KLHDC4: variants seen among roughly 807,000 people sequenced by gnomAD.
KLHDC4 encodes the protein kelch domain-containing protein 4.
KLHDC4 carries 90 observed loss-of-function variants against 62.4 expected under a neutral mutation model. The observed-to-expected ratio is 1.44, with a 90% CI of 1.22 to 1.72. The LOEUF (loss-of-function observed/expected upper bound fraction) is 1.72, where lower values mean the gene tolerates loss of function less well. KLHDC4 is among the 40% of genes most tolerant of loss of function. The pLI, the probability that KLHDC4 is intolerant of heterozygous loss-of-function variation, is 0.00. For synonymous variants in KLHDC4, 386 were observed against 284.4 expected (o/e 1.36, Z -3.59); for missense variants, 1,025 against 699.7 (o/e 1.47, Z -5.25).
At chr16:87,725,969 C>A in intron 7 of KLHDC4, among the ~76,000 whole-genome samples, 1 of 152,112 alleles carries the variant, frequency 6.6e-6, no homozygotes, top group East Asian at 1.9e-4. Context: ...AACACAGAAT[C>A]GCTCACACTG....
intron 9 of KLHDC4, chr16:87,710,967 C>T (rs866296511): frequency 2.2e-5 from 10 of 461,676 alleles, no homozygotes; most frequent in African/African-American, 5.9e-5. Context: ...CACAGAGGGC[C>T]GGGGAGGTCC....
chr16:87,706,181 C>T (rs1376532600), downstream of KLHDC4, among the ~76,000 whole-genome samples: 15 of 66,914 alleles, frequency 2.2e-4, 1 homozygote, highest in South Asian at 1.3e-3. Context: ...CTGCAGCCCT[C>T]GGGGGGGGGT....
intron 1 of KLHDC4, among the ~76,000 whole-genome samples, chr16:87,762,489 G>A (rs1255910630): frequency 6.6e-6 from 1 of 152,232 alleles, no homozygotes; most frequent in East Asian, 1.9e-4. Context: ...GCCCAGGCCT[G>A]GGCCGTCACG....
intron 6 of KLHDC4, among the ~76,000 whole-genome samples, chr16:87,730,184 G>A (rs1489832047): frequency 6.6e-6 from 1 of 152,174 alleles, no homozygotes; most frequent in Non-Finnish European, 1.5e-5. Flanking sequence ...GAACTCTTGA[G>A]CTCAAGTGAT....
chr16:87,725,461 A>G (rs11866748), intron 7 of KLHDC4, among the ~76,000 whole-genome samples: 26,049 of 152,194 alleles, frequency 0.17, 2,240 homozygotes, highest in South Asian at 0.22. Flanking sequence ...CACCGCGCCC[A>G]GCCTAAGCAT....
intron 5 of KLHDC4, among the ~76,000 whole-genome samples, chr16:87,741,286 G>A (rs2042203084): frequency 6.6e-6 from 1 of 152,214 alleles, no homozygotes; most frequent in South Asian, 2.1e-4. Flanking sequence ...CCTGGACAGA[G>A]GCCCAGGCGC....
chr16:87,764,233 T>C (rs1009808384), intron 1 of KLHDC4, among the ~76,000 whole-genome samples: 3 of 152,156 alleles, frequency 2.0e-5, no homozygotes, highest in Non-Finnish European at 4.4e-5. Context: ...AAAGTTTGTT[T>C]TGAGGGTTCA....
At position 87,708,348 on chromosome 16, in the gene KLHDC4, A is replaced by C. The variant is rs375768631; in HGVS notation, c.*1+2T>G. On this transcript the variant is annotated splice_donor_variant, in intron 11 of 11. Coordinates refer to ENST00000270583, the MANE Select transcript of KLHDC4 (RefSeq NM_017566.4). LOFTEE classifies it low-confidence loss of function (3UTR_SPLICE). ...GCCACCCGCCAGCCCGAGCCCGCTC[A>C]CCTCAGTCCTCCGCACCGCTCTCCT... 1.3e-6 allele frequency: 2 copies of C among 1,576,020 alleles called. No individual in the cohort carries two copies. Among genetic ancestry groups the C allele is most frequent in the Non-Finnish European group, 1.7e-6 (2 of 1,159,442 alleles).
intron 4 of KLHDC4, 131 bp downstream of exon 4, chr16:87,755,063 C>G (rs2044645902): frequency 3.4e-6 from 2 of 594,186 alleles, no homozygotes; most frequent in South Asian, 2.0e-5. Context: ...AGTGAGCAAA[C>G]AGCAGAACCA....
At chr16:87,759,972 G>T (rs2045614156) in intron 2 of KLHDC4, among the ~76,000 whole-genome samples, 1 of 152,134 alleles carries the variant, frequency 6.6e-6, no homozygotes, top group Admixed American at 6.6e-5. Context: ...TTCCAGGTAG[G>T]TCACATCAGA....
intron 7 of KLHDC4, among the ~76,000 whole-genome samples, chr16:87,724,979 C>T (rs1337426453): frequency 6.6e-6 from 1 of 152,194 alleles, no homozygotes. Context: ...AACAGAACCA[C>T]AAACTGTGGG....
chr16:87,761,150 G>GA (rs2045833843), intron 2 of KLHDC4, among the ~76,000 whole-genome samples: 1 of 152,234 alleles, frequency 6.6e-6, no homozygotes, highest in Non-Finnish European at 1.5e-5. Flanking sequence ...TGAAAACCAG[G>GA]AAGGACACTG....
rs550078627 is a variant in KLHDC4 at position 87,707,938 on chromosome 16, C to T, written c.*139G>A. Reference sequence around the variant, plus strand: ...ACTAAACCATGGGAGAAAGTTCACACCCTGGCCTGGGCCACCCACCTTCAG... The same window carrying T: ...ACTAAACCATGGGAGAAAGTTCACATCCTGGCCTGGGCCACCCACCTTCAG... On this transcript the variant is annotated 3_prime_UTR_variant, in exon 12 of 12. Transcript: ENST00000270583. The T allele has an allele frequency of 2.2e-6, 1 of 464,942 alleles. No homozygotes were observed. Among genetic ancestry groups the T allele is most frequent in the African/African-American group, 2.0e-5 (1 of 50,556 alleles). 28.8% of individuals were successfully genotyped at this position (464,942 alleles called of 1,614,324 possible). A position where few individuals can be genotyped will look rare whatever the true frequency, so the allele number is the denominator to read the frequency against.
intron 7 of KLHDC4, among the ~76,000 whole-genome samples, chr16:87,719,675 A>T (rs1245685612): frequency 6.6e-6 from 1 of 152,162 alleles, no homozygotes; most frequent in Non-Finnish European, 1.5e-5. Context: ...AATACTAAAA[A>T]AAAAAAACAA....
chr16:87,715,683 C>T (rs1476094046), intron 7 of KLHDC4, among the ~76,000 whole-genome samples: 4 of 152,148 alleles, frequency 2.6e-5, no homozygotes, highest in Non-Finnish European at 4.4e-5. Context: ...GGACGATCCC[C>T]GGGGTGAAGT....
chr16:87,740,651 C>A (rs753302950), intron 5 of KLHDC4: 34 of 152,206 alleles, frequency 2.2e-4, no homozygotes, highest in African/African-American at 7.7e-4. Context: ...TTTCCAGTCA[C>A]TCTTGCCAAT....
chr16:87,709,615 T>C lies in KLHDC4; in HGVS notation c.1097A>G (p.Glu366Gly). 6.2e-7 allele frequency: 1 copy of C among 1,609,944 alleles called. No individual in the cohort carries two copies. The highest frequency in any genetic ancestry group is 8.5e-7 in the Non-Finnish European group (1 of 1,178,228). ...KRRRGRKEEP[E>G]GGSRPACGGA... Reference sequence around the variant, plus strand: ...CCCACACGCCGGCCTGCTACCACCTTCGGGCTCCTCTTTTCTGCCCCGCCT... The same window carrying C: ...CCCACACGCCGGCCTGCTACCACCTCCGGGCTCCTCTTTTCTGCCCCGCCT... Residue 366 changes from glutamate (E) to glycine (G), a missense_variant, in exon 10 of 12, where the codon GAA (glutamate) becomes GGA (glycine). Physicochemically the swap from Glu to Gly is moderately conservative, Grantham distance 98. Coordinates refer to ENST00000270583, the MANE Select transcript of KLHDC4 (RefSeq NM_017566.4).
rs546816885 is a variant in KLHDC4 at position 87,761,961 on chromosome 16, G to A, written c.179C>T (p.Pro60Leu). ...RTQTVELPCP[P>L]PSPRLNASLS... ...GCTACTTGCTCACCTTGGTGAGGGT[G>A]GGGGGCACGGAAGTTCCACAGTCTG... Residue 60 changes from proline (P) to leucine (L), a missense_variant, in exon 2 of 12, where the codon CCA (proline) becomes CTA (leucine). Coordinates refer to ENST00000270583, the MANE Select transcript of KLHDC4 (RefSeq NM_017566.4). 9.9e-6 allele frequency: 16 copies of A among 1,613,344 alleles called. No homozygotes were observed. Among genetic ancestry groups the A allele is most frequent in the African/African-American group, 8.0e-5 (6 of 75,002 alleles).
At position 87,721,187 on chromosome 16, in the gene KLHDC4, G is replaced by A. The variant is rs932575863; in HGVS notation, c.759+5578C>T. 7.2e-5 allele frequency among the ~76,000 whole-genome samples: 11 copies of A among 152,296 alleles called. No homozygotes were observed. The South Asian group carries it at 8.3e-4, about 11-fold the overall frequency. On this transcript the variant is annotated intron_variant, in intron 7 of 11. Coordinates refer to ENST00000270583, the MANE Select transcript of KLHDC4 (RefSeq NM_017566.4). ...TGTAATCCCAGCACTTTGGGAGGCC[G>A]AGACGGGCGGATCACAAGGTCAGGA...
Sources: allele counts gnomAD v4.1 joint callset (sites outside exome capture counted in the v4.1 genomes callset), GRCh38; gene constraint gnomAD v4.1.1; transcripts MANE v1.5; gene names NCBI Gene and HGNC (gene_info 2026-07-23, HGNC 2026-07-21).